CD1B: variants seen among roughly 807,000 people sequenced by gnomAD.
CD1B encodes CD1b molecule.
A neutral mutation model predicts 39.8 loss-of-function variants in CD1B; 43 were observed. That is an observed-to-expected ratio of 1.08 (90% CI 0.85 to 1.39). CD1B has a LOEUF of 1.39. Ranked by LOEUF, CD1B falls within the 40% of genes most tolerant of loss-of-function variation. The pLI is 0.00. For missense variants in CD1B, 495 were observed against 403.8 expected (o/e 1.23, Z -1.94); for synonymous variants, 192 against 152.5 (o/e 1.26, Z -1.91).
the CD1B span, among the ~76,000 whole-genome samples, chr1:158,295,455 T>C: frequency 1.3e-5 from 2 of 152,058 alleles, no homozygotes; most frequent in African/African-American, 4.8e-5. Flanking sequence ...CACAGACATT[T>C]GAGTTGGCAG....
the CD1B span, among the ~76,000 whole-genome samples, chr1:158,311,345 A>C: frequency 6.6e-6 from 1 of 152,156 alleles, no homozygotes; most frequent in Non-Finnish European, 1.5e-5. Context: ...TTGTCTAATC[A>C]GGTCTTTTGC....
chr1:158,322,192 A>G, the CD1B span, among the ~76,000 whole-genome samples: 1 of 152,172 alleles, frequency 6.6e-6, no homozygotes, highest in South Asian at 2.1e-4. Context: ...TGGTTTACAT[A>G]CCATAATTAC....
At chr1:158,319,938 G>T in the CD1B span, among the ~76,000 whole-genome samples, 2 of 152,152 alleles carry the variant, frequency 1.3e-5, no homozygotes, top group African/African-American at 4.8e-5. Flanking sequence ...GTGTCAGTGT[G>T]CCCCTGCTGG....
chr1:158,312,263 C>T, the CD1B span, among the ~76,000 whole-genome samples: 1 of 152,136 alleles, frequency 6.6e-6, no homozygotes, highest in African/African-American at 2.4e-5. Context: ...GTGCTGTTCT[C>T]ATGTTAGTGA....
chr1:158,305,870 C>A, the CD1B span, among the ~76,000 whole-genome samples: 1 of 152,186 alleles, frequency 6.6e-6, no homozygotes. Flanking sequence ...AGTTTACAGA[C>A]AAGCAAATGC....
At chr1:158,330,626 A>G (rs761885175) in intron 2 of CD1B, 170 bp downstream of exon 2, 10 of 761,398 alleles carry the variant, frequency 1.3e-5, no homozygotes, top group Non-Finnish European at 2.2e-5. Flanking sequence ...AATCTGAAAT[A>G]TGAGGTGTGA....
At chr1:158,292,847 G>C in the CD1B span, 1 of 1,614,010 alleles carries the variant, frequency 6.2e-7, no homozygotes, top group African/African-American at 1.3e-5. Context: ...CAGCAGTCTA[G>C]GAGGCCAGGA....
the CD1B span, among the ~76,000 whole-genome samples, chr1:158,289,483 C>T: frequency 3.3e-5 from 5 of 151,914 alleles, no homozygotes; most frequent in South Asian, 2.1e-4. Context: ...AGCAACGTCT[C>T]CAATTTATAA....
At chr1:158,317,861 T>C in the CD1B span, among the ~76,000 whole-genome samples, 1 of 152,210 alleles carries the variant, frequency 6.6e-6, no homozygotes, top group Non-Finnish European at 1.5e-5. Context: ...TGGTATGTTG[T>C]GTGTTTGTTC....
Position 158,329,537 on chromosome 1 carries a change from C to A in CD1B, c.719G>T (p.Arg240Leu). 1.9e-6 allele frequency: 3 copies of A among 1,614,030 alleles called. No individual in the cohort carries two copies. The highest frequency in any genetic ancestry group is 2.5e-6 in the Non-Finnish European group (3 of 1,179,998). The change falls in exon 4 of 6, where the codon CGG (arginine) becomes CTG (leucine). Residue 240 changes from arginine to leucine, a missense_variant. By Grantham distance (102) the Arg-to-Leu change is moderately radical. Coordinates refer to ENST00000368168, the MANE Select transcript of CD1B (RefSeq NM_001764.3). ...AGTGCCCTGCTGCTCCTGCTCACCCCGCATCCACATCACCCACACGGGCTT... is the reference window on the plus strand; with the variant it reads ...AGTGCCCTGCTGCTCCTGCTCACCCAGCATCCACATCACCCACACGGGCTT... The part of the protein sequence containing the change: ...YPKPVWVMWM[R>L]GEQEQQGTQL...
downstream of CD1B, among the ~76,000 whole-genome samples, chr1:158,327,003 G>A (rs768011929): frequency 6.6e-6 from 1 of 152,054 alleles, no homozygotes; most frequent in Non-Finnish European, 1.5e-5. Context: ...TGCCATGTTG[G>A]TCAGCCTGGT....
At chr1:158,292,722 A>T in the CD1B span, 2 of 1,614,216 alleles carry the variant, frequency 1.2e-6, no homozygotes, top group Non-Finnish European at 8.5e-7. Flanking sequence ...GAACAGGAGC[A>T]ACTGGGCACT....
downstream of CD1B, among the ~76,000 whole-genome samples, chr1:158,323,982 G>C (rs184720929): frequency 1.3e-5 from 2 of 152,190 alleles, no homozygotes; most frequent in African/African-American, 4.8e-5. Context: ...TATGAGATAA[G>C]GGTAAGTCTT....
chr1:158,304,399 G>A, the CD1B span, among the ~76,000 whole-genome samples: 4 of 152,090 alleles, frequency 2.6e-5, no homozygotes, highest in East Asian at 1.9e-4. Context: ...GGGGAGGGGC[G>A]CCCACCATTG....
At chr1:158,292,029 C>T in the CD1B span, 1 of 1,538,256 alleles carries the variant, frequency 6.5e-7, no homozygotes, top group South Asian at 1.3e-5. Context: ...GGTTTTTATA[C>T]TGTTGTTTTC....
At chr1:158,292,233 C>T in the CD1B span, 5 of 1,614,094 alleles carry the variant, frequency 3.1e-6, no homozygotes, top group South Asian at 4.4e-5. Context: ...AAGTTTGGCC[C>T]AAAGTGTCTG....
At chr1:158,290,192 A>T in the CD1B span, 1 of 1,399,472 alleles carries the variant, frequency 7.1e-7, no homozygotes, top group Non-Finnish European at 1.0e-6. Context: ...CTTTCCCGAG[A>T]TGGATCAATA....
At chr1:158,293,377 T>G in the CD1B span, 2 of 1,593,370 alleles carry the variant, frequency 1.3e-6, no homozygotes, top group Non-Finnish European at 1.7e-6. Context: ...TTAGCTTTTC[T>G]CTATTGACTA....
At chr1:158,307,640 A>G in the CD1B span, among the ~76,000 whole-genome samples, 124 of 152,268 alleles carry the variant, frequency 8.1e-4, no homozygotes, top group African/African-American at 2.9e-3. Context: ...AAAAAAGACA[A>G]TTTTAGACCA....
Sources: gnomAD v4.1 joint callset for allele counts (sites outside exome capture counted in the v4.1 genomes callset) on GRCh38, gnomAD v4.1.1 for gene constraint, MANE v1.5 for transcripts, NCBI Gene and HGNC (gene_info 2026-07-23, HGNC 2026-07-21) for gene names.